PPP1R14C: variants seen among roughly 807,000 people sequenced by gnomAD.
PPP1R14C encodes the protein protein phosphatase 1 regulatory inhibitor subunit 14C, also known as protein phosphatase 1 regulatory subunit 14C.
Under a neutral mutation model 20.4 loss-of-function variants are expected in PPP1R14C, and 16 were observed. The observed-to-expected ratio is 0.78, with a 90% confidence interval of 0.53 to 1.19. PPP1R14C has a LOEUF of 1.19. Ranked by LOEUF, PPP1R14C falls within the 50% of genes most tolerant of loss-of-function variation. The pLI is 0.00. For synonymous variants in PPP1R14C, 91 were observed against 91.0 expected, an observed-to-expected ratio of 1.00 and a Z score of 0.00; for missense variants, 211 against 220.1, an observed-to-expected ratio of 0.96 and a Z score of 0.26.
intron 1 of PPP1R14C, among the ~76,000 whole-genome samples, chr6:150,212,375 A>G (rs1259328717): frequency 6.6e-6 from 1 of 152,212 alleles, no homozygotes; most frequent in Non-Finnish European, 1.5e-5. Context: ...GGGTCAGTGC[A>G]ATACCTAACA....
chr6:150,172,498 G>A (rs1777510864), intron 1 of PPP1R14C, among the ~76,000 whole-genome samples: 1 of 152,164 alleles, frequency 6.6e-6, no homozygotes, highest in Admixed American at 6.5e-5. Flanking sequence ...GATAGAGAGC[G>A]AGGTACAGCT....
chr6:150,228,383 G>A (rs975753319), intron 3 of PPP1R14C, among the ~76,000 whole-genome samples: 3 of 152,188 alleles, frequency 2.0e-5, no homozygotes, highest in Non-Finnish European at 4.4e-5. Context: ...ACAGGGAAAG[G>A]CTATAGTCAA....
intron 1 of PPP1R14C, among the ~76,000 whole-genome samples, chr6:150,145,155 A>G (rs1777168227): frequency 6.6e-6 from 1 of 152,240 alleles, no homozygotes; most frequent in Non-Finnish European, 1.5e-5. Context: ...AGCCTGATAA[A>G]CAATATATTT....
chr6:150,196,204 A>T (rs775467731), intron 1 of PPP1R14C: 8 of 830,256 alleles, frequency 9.6e-6, no homozygotes, highest in Non-Finnish European at 1.2e-5. Flanking sequence ...ACTGGCAAAG[A>T]TTTATGGTCA....
intron 1 of PPP1R14C, among the ~76,000 whole-genome samples, chr6:150,190,611 G>C (rs1013995001): frequency 6.6e-6 from 1 of 152,014 alleles, no homozygotes; most frequent in Non-Finnish European, 1.5e-5. Context: ...ATTTTTAGTA[G>C]AGACGGTGTT....
chr6:150,218,185 C>T (rs1156249791), intron 3 of PPP1R14C, among the ~76,000 whole-genome samples: 5 of 152,030 alleles, frequency 3.3e-5, no homozygotes, highest in African/African-American at 9.7e-5. Flanking sequence ...GGGTGGATCA[C>T]GAGGTCAGGA....
At chr6:150,151,712 T>C (rs947216919) in intron 1 of PPP1R14C, among the ~76,000 whole-genome samples, 8 of 152,208 alleles carry the variant, frequency 5.3e-5, no homozygotes, top group Admixed American at 2.0e-4. Context: ...TCTTCATTTT[T>C]TGGAGAAAGC....
intron 3 of PPP1R14C, among the ~76,000 whole-genome samples, chr6:150,234,177 A>G (rs1054089421): frequency 6.6e-6 from 1 of 152,212 alleles, no homozygotes; most frequent in Non-Finnish European, 1.5e-5. Context: ...AACTCCCCCC[A>G]AAATTGTACT....
chr6:150,162,974 G>C (rs546321284), intron 1 of PPP1R14C, among the ~76,000 whole-genome samples: 97 of 152,298 alleles, frequency 6.4e-4, no homozygotes, highest in African/African-American at 2.2e-3. Context: ...CAAAGCCCTG[G>C]GGGGACATAC....
At chr6:150,180,466 G>A (rs1777608762) in intron 1 of PPP1R14C, among the ~76,000 whole-genome samples, 1 of 152,184 alleles carries the variant, frequency 6.6e-6, no homozygotes. Flanking sequence ...ATACGTGGCA[G>A]GGCTTGGGGA....
At chr6:150,168,471 T>C (rs1384256337) in intron 1 of PPP1R14C, among the ~76,000 whole-genome samples, 1 of 152,060 alleles carries the variant, frequency 6.6e-6, no homozygotes, top group Non-Finnish European at 1.5e-5. Context: ...AGGCGGAGCT[T>C]GCAGTGAGCC....
rs143964360 is a variant in PPP1R14C, at chr6:150,202,520, C to G, written c.307-12224C>G. On this transcript the variant is annotated intron_variant, in intron 1 of 3. Coordinates refer to ENST00000361131, the MANE Select transcript of PPP1R14C (RefSeq NM_030949.3). ...CTTGTCAGCAGCAACCCTGGCTCCT[C>G]TCAACCAGGAGCTGGAGTCCCCATT... 4.5e-3 allele frequency among the ~76,000 whole-genome samples: 690 copies of G among 152,360 alleles called. 3 individuals carry two copies. Among genetic ancestry groups the G allele is most frequent in the African/African-American group, 0.016 (662 of 41,574 alleles).
chr6:150,182,913 A>G (rs1777637956), intron 1 of PPP1R14C, among the ~76,000 whole-genome samples: 1 of 152,238 alleles, frequency 6.6e-6, no homozygotes, highest in African/African-American at 2.4e-5. Flanking sequence ...AAACCTGTGC[A>G]TGTGACCATC....
intron 1 of PPP1R14C, among the ~76,000 whole-genome samples, chr6:150,178,111 C>T (rs76528383): frequency 0.029 from 4,353 of 152,274 alleles, 125 homozygotes; most frequent in East Asian, 0.089. Flanking sequence ...ATGCAGCCTC[C>T]GCGAGGCCTT....
chr6:150,183,370 A>C (rs1777643488), intron 1 of PPP1R14C, among the ~76,000 whole-genome samples: 1 of 152,230 alleles, frequency 6.6e-6, no homozygotes, highest in African/African-American at 2.4e-5. Context: ...AGGAAGTAGA[A>C]TAAAAAATAA....
chr6:150,150,568 G>GA (rs1476025121), intron 1 of PPP1R14C, among the ~76,000 whole-genome samples: 2 of 152,170 alleles, frequency 1.3e-5, no homozygotes, highest in African/African-American at 2.4e-5. Context: ...TAGATGGAGG[G>GA]AAGAATCAAA....
chr6:150,173,845 C>T (rs998883995), intron 1 of PPP1R14C, among the ~76,000 whole-genome samples: 3 of 152,076 alleles, frequency 2.0e-5, no homozygotes, highest in African/African-American at 7.2e-5. Flanking sequence ...TCTCTCATCT[C>T]AACTTCAGGA....
At chr6:150,245,404 C>T (rs1451026142) in intron 3 of PPP1R14C, among the ~76,000 whole-genome samples, 4 of 152,240 alleles carry the variant, frequency 2.6e-5, no homozygotes, top group Non-Finnish European at 5.9e-5. Context: ...CACCGTGATG[C>T]TCTGTTGTCA....
At chr6:150,183,513 C>G (rs374246882) in intron 1 of PPP1R14C, among the ~76,000 whole-genome samples, 1 of 152,076 alleles carries the variant, frequency 6.6e-6, no homozygotes, top group South Asian at 2.1e-4. Context: ...CAAACTGGGA[C>G]ATTTCTTTTT....
Sources: allele counts gnomAD v4.1 joint callset (sites outside exome capture counted in the v4.1 genomes callset), GRCh38; gene constraint gnomAD v4.1.1; transcripts MANE v1.5; gene names NCBI Gene and HGNC (gene_info 2026-07-23, HGNC 2026-07-21).